Variants in NELL2 observed in about 807,000 individuals in gnomAD.
NELL2 encodes neural EGFL like 2, also known as protein kinase C-binding protein NELL2.
In NELL2, 41 loss-of-function variants were observed where a neutral mutation model predicts 109.6. The ratio of observed to expected loss-of-function variants is 0.37; its 90% CI spans 0.29 to 0.49. The LOEUF (loss-of-function observed/expected upper bound fraction) is 0.49, where lower values mean the gene tolerates loss of function less well. Ranked by LOEUF, NELL2 falls within the 20% of genes least tolerant of loss-of-function variation. The pLI is 0.98. For synonymous variants in NELL2, 355 were observed against 344.7 expected (o/e 1.03, Z -0.33); for missense variants, 900 against 1,008.3 (o/e 0.89, Z 1.45).
chr12:44,820,540 C>T (rs1046378778), intron 2 of NELL2, among the ~76,000 whole-genome samples: 3 of 148,914 alleles, frequency 2.0e-5, no homozygotes, highest in Non-Finnish European at 4.4e-5. Context: ...ACCCAGGAGG[C>T]GGAGCTTGCA....
intron 12 of NELL2, among the ~76,000 whole-genome samples, chr12:44,668,165 G>A (rs2136344530): frequency 6.6e-6 from 1 of 152,274 alleles, no homozygotes; most frequent in African/African-American, 2.4e-5. Flanking sequence ...AGTGCAAGCG[G>A]GTCCCCAGCA....
At chr12:44,877,542 G>T (rs752886603), upstream of NELL2, among the ~76,000 whole-genome samples, 1 of 151,914 alleles carries the variant, frequency 6.6e-6, no homozygotes, top group African/African-American at 2.4e-5. Context: ...GATACTAACA[G>T]CTACAGTTAC....
At chr12:44,790,567 C>A (rs894843417) in intron 3 of NELL2, among the ~76,000 whole-genome samples, 6 of 151,480 alleles carry the variant, frequency 4.0e-5, no homozygotes, top group Non-Finnish European at 8.8e-5. Flanking sequence ...AAAAATACAA[C>A]GTAAAAAGCA....
chr12:44,837,508 C>T (rs1055389038), intron 2 of NELL2, among the ~76,000 whole-genome samples: 6 of 152,150 alleles, frequency 3.9e-5, no homozygotes, highest in South Asian at 4.1e-4. Context: ...AGAGACTTTG[C>T]TCTTAACCTC....
chr12:44,827,428 T>TG, intron 2 of NELL2, among the ~76,000 whole-genome samples: 1 of 139,138 alleles, frequency 7.2e-6, no homozygotes, highest in African/African-American at 2.6e-5. Flanking sequence ...TTTTTTTTTT[T>TG]GTACCCATTA....
intron 15 of NELL2, among the ~76,000 whole-genome samples, chr12:44,554,001 T>C (rs1013439689): frequency 6.6e-6 from 1 of 152,146 alleles, no homozygotes; most frequent in Non-Finnish European, 1.5e-5. Flanking sequence ...GTAGGAGTAC[T>C]AGCAAAACAG....
chr12:44,866,050 A>G (rs1301764374), intron 2 of NELL2, among the ~76,000 whole-genome samples: 1 of 152,104 alleles, frequency 6.6e-6, no homozygotes, highest in Non-Finnish European at 1.5e-5. Context: ...AGACTGAAGG[A>G]AGCACCCTAG....
At chr12:44,659,368 C>T (rs1194051701) in intron 13 of NELL2, among the ~76,000 whole-genome samples, 1 of 152,140 alleles carries the variant, frequency 6.6e-6, no homozygotes, top group Non-Finnish European at 1.5e-5. Context: ...AACTAAAGAG[C>T]TTCTGCACAG....
At chr12:44,674,067 G>C (rs1948228329) in intron 12 of NELL2, among the ~76,000 whole-genome samples, 1 of 152,046 alleles carries the variant, frequency 6.6e-6, no homozygotes, top group African/African-American at 2.4e-5. Flanking sequence ...ATTATAAAGT[G>C]ATGCATACTA....
chr12:44,548,486 A>G (rs1942894157), intron 15 of NELL2, among the ~76,000 whole-genome samples: 1 of 151,778 alleles, frequency 6.6e-6, no homozygotes, highest in African/African-American at 2.4e-5. Flanking sequence ...CGGAGGTTGC[A>G]GTGAGCTGAC....
At position 44,777,140 on chromosome 12, in the gene NELL2, C is replaced by G. The variant is rs1941786578; in HGVS notation, c.680-16G>C. The G allele has an allele frequency of 1.2e-6, 2 of 1,613,668 alleles. No individual in the cohort carries two copies. The highest frequency in any genetic ancestry group is 1.7e-6 in the Non-Finnish European group (2 of 1,179,656). On this transcript the variant is annotated splice_polypyrimidine_tract_variant and intron_variant, in intron 6 of 19. Transcript: ENST00000429094. Reference sequence around the variant, plus strand: ...GTTGGACAGGCTGGAATTACAAACACTACATTTGGTCAAGATGCATTTATA... The same window carrying G: ...GTTGGACAGGCTGGAATTACAAACAGTACATTTGGTCAAGATGCATTTATA...
At chr12:44,820,608 C>A (rs368522121) in intron 2 of NELL2, among the ~76,000 whole-genome samples, 320 of 133,658 alleles carry the variant, frequency 2.4e-3, no homozygotes, top group South Asian at 3.6e-3. Context: ...GACTCCGTCT[C>A]AAAAAAAAAA....
chr12:44,855,926 G>T (rs1054997256), intron 2 of NELL2, among the ~76,000 whole-genome samples: 8 of 152,154 alleles, frequency 5.3e-5, no homozygotes, highest in Admixed American at 1.3e-4. Flanking sequence ...TATGACTAGA[G>T]AAGAAAGCAG....
intron 15 of NELL2, among the ~76,000 whole-genome samples, chr12:44,557,763 G>A (rs895236901): frequency 2.0e-5 from 3 of 152,172 alleles, no homozygotes; most frequent in Non-Finnish European, 4.4e-5. Context: ...TGAAGCCATG[G>A]AAATAAATGA....
intron 16 of NELL2, among the ~76,000 whole-genome samples, chr12:44,527,208 A>G (rs1234355181): frequency 2.0e-5 from 3 of 152,254 alleles, no homozygotes; most frequent in African/African-American, 7.2e-5. Flanking sequence ...ACTATCATGT[A>G]AACTTCATTT....
chr12:44,518,242 A>G (rs1392032489), intron 19 of NELL2, among the ~76,000 whole-genome samples: 1 of 151,814 alleles, frequency 6.6e-6, no homozygotes, highest in Non-Finnish European at 1.5e-5. Flanking sequence ...ACTCATTCAA[A>G]TACTTTTTTT....
intron 15 of NELL2, among the ~76,000 whole-genome samples, chr12:44,595,012 G>C (rs964343253): frequency 1.3e-5 from 2 of 152,122 alleles, no homozygotes; most frequent in Non-Finnish European, 2.9e-5. Flanking sequence ...GTAATGTTTA[G>C]AGGTATCTGT....
chr12:44,907,795 A>G (rs1945736855), intron 1 of NELL2, among the ~76,000 whole-genome samples: 1 of 152,072 alleles, frequency 6.6e-6, no homozygotes, highest in Non-Finnish European at 1.5e-5. Flanking sequence ...CAGTGATTGG[A>G]GAAAAACAAG....
chr12:44,679,558 A>G (rs924043437), intron 12 of NELL2, among the ~76,000 whole-genome samples: 1 of 152,134 alleles, frequency 6.6e-6, no homozygotes, highest in African/African-American at 2.4e-5. Context: ...GAGAACAGGC[A>G]GTAACCCCTT....
Sources: allele counts gnomAD v4.1 joint callset (sites outside exome capture counted in the v4.1 genomes callset), GRCh38; gene constraint gnomAD v4.1.1; transcripts MANE v1.5; gene names NCBI Gene and HGNC (gene_info 2026-07-23, HGNC 2026-07-21).